Variants in RAD51B observed in about 807,000 individuals in gnomAD.
RAD51B encodes the protein RAD51 paralog B.
Under a neutral mutation model 42.2 loss-of-function variants are expected in RAD51B, and 38 were observed. The observed-to-expected ratio is 0.90, with a 90% CI of 0.70 to 1.18. The LOEUF (loss-of-function observed/expected upper bound fraction) is 1.18, where lower values mean the gene tolerates loss of function less well. Among genes scored for constraint, RAD51B ranks in the 50% most tolerant of loss-of-function variants. RAD51B has a pLI of 0.00. For synonymous variants in RAD51B, 154 were observed against 145.2 expected (o/e 1.06, Z -0.43); for missense variants, 373 against 400.7 (o/e 0.93, Z 0.59).
chr14:68,284,096 A>G (rs1009236458), intron 7 of RAD51B, among the ~76,000 whole-genome samples: 1 of 152,126 alleles, frequency 6.6e-6, no homozygotes, highest in African/African-American at 2.4e-5. Context: ...CTCCCCTACT[A>G]GGCAGAGTGT....
At position 68,536,403 on chromosome 14, in the gene RAD51B, T is replaced by C. The variant is rs552106388; in HGVS notation, c.1037-58082T>C. ...AAACATTTCAACTTGAGAAAGCAGA[T>C]TGAATTTTTTTAGAAAAGAATATGT... On this transcript the variant is annotated intron_variant, in intron 10 of 10. Transcript: ENST00000487270. 2.6e-5 allele frequency among the ~76,000 whole-genome samples: 4 copies of C among 152,330 alleles called. 1 individual carries two copies. The East Asian group carries it at 7.7e-4, about 29-fold the overall frequency.
chr14:68,480,740 C>A (rs1392011009), downstream of RAD51B, among the ~76,000 whole-genome samples: 2 of 152,094 alleles, frequency 1.3e-5, no homozygotes, highest in Admixed American at 6.5e-5. Context: ...TGATCCTTTC[C>A]CTCGCAGGGA....
At chr14:68,339,999 T>A (rs948364808) in intron 8 of RAD51B, among the ~76,000 whole-genome samples, 5 of 152,224 alleles carry the variant, frequency 3.3e-5, no homozygotes, top group Non-Finnish European at 7.3e-5. Flanking sequence ...TTTCTTTGTC[T>A]ACACAAGGGT....
intron 8 of RAD51B, among the ~76,000 whole-genome samples, chr14:68,317,313 A>T (rs1451596176): frequency 1.8e-5 from 1 of 54,060 alleles, no homozygotes; most frequent in East Asian, 8.9e-4. Flanking sequence ...GAACATATTT[A>T]TTTACGTGCC....
intron 7 of RAD51B, among the ~76,000 whole-genome samples, chr14:68,024,308 T>C (rs2075916797): frequency 6.6e-6 from 1 of 152,200 alleles, no homozygotes; most frequent in Admixed American, 6.5e-5. Flanking sequence ...TTGGTATTGC[T>C]TTGGCTATTT....
rs148664784 is a variant in RAD51B, at chr14:68,184,092, CAAA to C, written c.757-107774_757-107772del. 3.3e-3 allele frequency among the ~76,000 whole-genome samples: 378 copies of C among 113,248 alleles called. 2 individuals carry two copies. Among genetic ancestry groups the C allele is most frequent in the East Asian group, 8.5e-3 (32 of 3,782 alleles). The allele number at this position is 113,248 out of a possible 152,430, so 74.3% of individuals were successfully genotyped here. ...TGGGCGACAGAGGGAGACTCCATCT[CAAA>C]AAAAAAAAAAAAAAAAATTACCCGG... is the stretch of plus-strand genomic sequence containing the variant. On this transcript the variant is annotated intron_variant, in intron 7 of 10. Transcript: ENST00000471583.
chr14:67,896,697 T>G (rs1018716774), intron 7 of RAD51B, among the ~76,000 whole-genome samples: 7 of 152,228 alleles, frequency 4.6e-5, no homozygotes, highest in Non-Finnish European at 1.0e-4. Context: ...AAAGGATATT[T>G]TCTTGAGTTT....
At chr14:68,176,708 C>CA (rs2078968176) in intron 7 of RAD51B, among the ~76,000 whole-genome samples, 1 of 151,798 alleles carries the variant, frequency 6.6e-6, no homozygotes, top group African/African-American at 2.4e-5. Flanking sequence ...ATTTTGAACA[C>CA]AAAAAAGGGT....
At chr14:67,824,518 A>G (rs2032161544) in intron 2 of RAD51B, among the ~76,000 whole-genome samples, 1 of 151,966 alleles carries the variant, frequency 6.6e-6, no homozygotes, top group Non-Finnish European at 1.5e-5. Context: ...TCAGCCTCCC[A>G]AAGTGCTAGC....
At chr14:68,085,054 T>C (rs1387196757) in intron 7 of RAD51B, among the ~76,000 whole-genome samples, 2 of 152,218 alleles carry the variant, frequency 1.3e-5, no homozygotes, top group Non-Finnish European at 2.9e-5. Flanking sequence ...ATTTCCAGGC[T>C]TTCATTAAGA....
intron 10 of RAD51B, among the ~76,000 whole-genome samples, chr14:68,538,547 A>G (rs1393803943): frequency 7.9e-5 from 12 of 151,880 alleles, no homozygotes. Flanking sequence ...TGGGGCCTCC[A>G]TTTGTACTCT....
At chr14:68,179,725 A>G (rs905273286) in intron 7 of RAD51B, among the ~76,000 whole-genome samples, 6 of 152,016 alleles carry the variant, frequency 3.9e-5, no homozygotes, top group Non-Finnish European at 5.9e-5. Flanking sequence ...AAGTTGAAAA[A>G]TGCTCTTCTA....
chr14:68,371,610 G>A (rs2083267068), intron 8 of RAD51B, among the ~76,000 whole-genome samples: 1 of 152,250 alleles, frequency 6.6e-6, no homozygotes, highest in South Asian at 2.1e-4. Context: ...GGAGGCTGAG[G>A]CAGCAGGATT....
At chr14:68,005,259 A>G (rs748946843) in intron 7 of RAD51B, among the ~76,000 whole-genome samples, 16 of 151,732 alleles carry the variant, frequency 1.1e-4, no homozygotes, top group Non-Finnish European at 2.2e-4. Flanking sequence ...TCACCATGTT[A>G]GTCAGGCTGA....
At chr14:68,088,474 T>C (rs2077035474) in intron 7 of RAD51B, among the ~76,000 whole-genome samples, 1 of 152,092 alleles carries the variant, frequency 6.6e-6, no homozygotes, top group South Asian at 2.1e-4. Flanking sequence ...TTTTTCTCCC[T>C]CTTTTTTCAT....
chr14:68,196,801 T>C (rs1308752370), intron 7 of RAD51B, among the ~76,000 whole-genome samples: 1 of 152,242 alleles, frequency 6.6e-6, no homozygotes, highest in Non-Finnish European at 1.5e-5. Context: ...CAAATATTCT[T>C]GGTATGAACT....
At chr14:68,555,137 T>G (rs1000166347) in intron 10 of RAD51B, among the ~76,000 whole-genome samples, 2 of 152,206 alleles carry the variant, frequency 1.3e-5, no homozygotes, top group African/African-American at 4.8e-5. Context: ...TGAGCTACCG[T>G]GCCCGGCCAA....
intron 7 of RAD51B, among the ~76,000 whole-genome samples, chr14:68,214,473 G>A (rs2079773623): frequency 6.6e-6 from 1 of 152,088 alleles, no homozygotes; most frequent in Non-Finnish European, 1.5e-5. Context: ...GTGGAGGGGA[G>A]GGATGTCTAG....
chr14:68,014,594 C>G (rs543314867), intron 7 of RAD51B, among the ~76,000 whole-genome samples: 39 of 151,762 alleles, frequency 2.6e-4, no homozygotes, highest in Admixed American at 3.9e-4. Flanking sequence ...TTTGGGTATT[C>G]TTTAAAAACA....
Sources: gnomAD v4.1 joint callset for allele counts (sites outside exome capture counted in the v4.1 genomes callset) on GRCh38, gnomAD v4.1.1 for gene constraint, MANE v1.5 for transcripts, NCBI Gene and HGNC (gene_info 2026-07-23, HGNC 2026-07-21) for gene names.